COPB2: variants seen among roughly 807,000 people sequenced by gnomAD.
COPB2 encodes coatomer subunit beta'.
Under a neutral mutation model 120.8 loss-of-function variants are expected in COPB2, and 16 were observed. That is an observed-to-expected ratio of 0.13 (90% CI 0.09 to 0.20). The LOEUF is 0.20. COPB2 is among the 10% of genes least tolerant of loss of function. The pLI is 1.00. For synonymous variants in COPB2, 332 were observed against 366.3 expected (o/e 0.91, Z 1.07); for missense variants, 794 against 1,076.5 (o/e 0.74, Z 3.67).
At position 139,363,901 on chromosome 3, in the gene COPB2, C is replaced by T. The variant is rs115995463; in HGVS notation, c.1885-1384G>A. Among the ~76,000 whole-genome samples, 341 of 152,236 alleles carry T rather than the reference C, an allele frequency of 2.2e-3. 1 individual carries two copies. The highest frequency in any genetic ancestry group is 7.5e-3 in the African/African-American group (310 of 41,546). Reference sequence around the variant, plus strand: ...TTTCCACTAGCATTGATATAGATAACATAAAACCCAAGAGTGGAGGATGGA... The same window carrying T: ...TTTCCACTAGCATTGATATAGATAATATAAAACCCAAGAGTGGAGGATGGA... On this transcript the variant is annotated intron_variant, in intron 15 of 21. Transcript: ENST00000333188.
chr3:139,375,474 A>G lies in COPB2; in HGVS notation c.645T>C (p.Asp215=). The change falls in exon 6 of 22, where the codon GAT becomes GAC. Residue 215 remains aspartate (D), a synonymous_variant. Coordinates refer to ENST00000333188, the MANE Select transcript of COPB2 (RefSeq NM_004766.3). ...AGGTTATGAAAAACTGTACCTGATA[A>G]TCCCATATTTTAACAAGACGGTCAT... The part of the protein sequence containing the change: ...GADDRLVKIW[D]YQNKTCVQTL... The G allele has an allele frequency of 6.2e-7, 1 of 1,612,972 alleles. No individual in the cohort carries two copies. The highest frequency in any genetic ancestry group is 2.2e-5 in the East Asian group (1 of 44,880).
intron 5 of COPB2, among the ~76,000 whole-genome samples, chr3:139,376,341 T>A (rs963378539): frequency 6.6e-6 from 1 of 152,178 alleles, no homozygotes; most frequent in Non-Finnish European, 1.5e-5. Context: ...TAGAAAATTG[T>A]TAAAAATTAC....
chr3:139,389,261 T>G (rs1418402460), intron 1 of COPB2, among the ~76,000 whole-genome samples: 2 of 152,240 alleles, frequency 1.3e-5, no homozygotes, highest in Non-Finnish European at 2.9e-5. Context: ...TGTGTTTCCC[T>G]ACACCACCGA....
At chr3:139,375,376 A>C in intron 6 of COPB2, 92 bp downstream of exon 6, 1 of 1,293,038 alleles carries the variant, frequency 7.7e-7, no homozygotes, top group Admixed American at 2.3e-5. Context: ...TTATGCTGTG[A>C]ACAGTTTTCA....
chr3:139,370,334 C>T (rs148775160), intron 10 of COPB2, among the ~76,000 whole-genome samples: 1,758 of 152,192 alleles, frequency 0.012, 38 homozygotes, highest in African/African-American at 0.039. Context: ...CTAGACAAAG[C>T]GATGATTCAC....
chr3:139,375,550 C>T lies in COPB2; in HGVS notation c.569G>A (p.Cys190Tyr). The stretch of plus-strand genomic sequence containing the variant: ...GTCCCCACCACTGTAGTAATCAATG[C>T]AATTCACGCCTTTCTCATGTCCTTC... The part of the protein sequence containing the change: ...TLEGHEKGVN[C>Y]IDYYSGGDKP... Residue 190 changes from cysteine to tyrosine, a missense_variant, in exon 6 of 22, where the codon TGC becomes TAC. Transcript: ENST00000333188. The T allele has an allele frequency of 6.2e-7, 1 of 1,614,082 alleles. No homozygotes were observed. Among genetic ancestry groups the T allele is most frequent in the Non-Finnish European group, 8.5e-7 (1 of 1,179,980 alleles).
At chr3:139,359,725 T>C (rs934794268) in intron 17 of COPB2, among the ~76,000 whole-genome samples, 5 of 152,118 alleles carry the variant, frequency 3.3e-5, no homozygotes, top group South Asian at 4.1e-4. Context: ...GTCTCCAACA[T>C]GGGAAGGGCC....
In COPB2 at chr3:139,357,874, A is replaced by C; in HGVS notation, c.2710T>G (p.Leu904Val). 1.9e-6 allele frequency: 3 copies of C among 1,569,516 alleles called. No individual in the cohort carries two copies. Among genetic ancestry groups the C allele is most frequent in the Non-Finnish European group, 2.6e-6 (3 of 1,144,402 alleles). ...GGAAAGCATTACAGTCAATCATCCA[A>C]AATATCTTCATCCAGATTGATATCT... ...TTDINLDEDILDD is the reference protein window; with the variant it reads ...TTDINLDEDIVDD The change falls in exon 22 of 22, where the codon TTG becomes GTG. Residue 904 changes from leucine to valine, a missense_variant. Leu to Val is a conservative substitution (Grantham distance 32, BLOSUM62 1). Around this residue, in one of 3 missense-constraint regions of COPB2, gnomAD observed 178 missense variants for 183.2 expected, o/e 0.97. Coordinates refer to ENST00000333188, the MANE Select transcript of COPB2 (RefSeq NM_004766.3).
At chr3:139,359,656 A>T (rs2107795806) in intron 17 of COPB2, among the ~76,000 whole-genome samples, 1 of 152,318 alleles carries the variant, frequency 6.6e-6, no homozygotes, top group Middle Eastern at 3.4e-3. Flanking sequence ...CAAATTTTAA[A>T]GGCATAAGGA....
intron 6 of COPB2, 97 bp from the exon 7 acceptor site, chr3:139,374,685 G>A (rs964336690): frequency 1.2e-6 from 1 of 829,554 alleles, no homozygotes; most frequent in Non-Finnish European, 1.8e-6. Context: ...ATAAATGATA[G>A]TAGTCATGAA....
At chr3:139,371,611 A>G (rs781627517) in intron 10 of COPB2, 112 bp downstream of exon 10, 4 of 835,882 alleles carry the variant, frequency 4.8e-6, no homozygotes, top group Non-Finnish European at 7.8e-6. Flanking sequence ...TCTGGTGAGA[A>G]CTGTTTTTTA....
chr3:139,373,449 GA>G, intron 8 of COPB2, 37 bp from the exon 9 acceptor site: 1 of 1,608,020 alleles, frequency 6.2e-7, no homozygotes, highest in Non-Finnish European at 8.5e-7. Context: ...CAATGAAAAG[GA>G]AAATGAATAA....
At chr3:139,387,022 A>G (rs1442477232) in intron 1 of COPB2, among the ~76,000 whole-genome samples, 1 of 146,410 alleles carries the variant, frequency 6.8e-6, no homozygotes, top group East Asian at 1.9e-4. Context: ...AACATGGTGA[A>G]ACCCCGTCTC....
chr3:139,367,517 A>G (rs1435878510), intron 13 of COPB2, among the ~76,000 whole-genome samples: 1 of 151,948 alleles, frequency 6.6e-6, no homozygotes, highest in Non-Finnish European at 1.5e-5. Context: ...TAGACTCCTG[A>G]CCTCAAGTGA....
intron 2 of COPB2, chr3:139,382,673 A>G (rs757051298): frequency 6.6e-6 from 1 of 152,254 alleles, no homozygotes; most frequent in Non-Finnish European, 1.5e-5. Flanking sequence ...TAATTACTAT[A>G]TAAGTAGACA....
chr3:139,388,491 C>CT (rs1941976515), intron 1 of COPB2: 1 of 53,260 alleles, frequency 1.9e-5, no homozygotes, highest in Non-Finnish European at 6.3e-5. Context: ...GTATTCCTAA[C>CT]TTTTTCCTAG....
intron 1 of COPB2, among the ~76,000 whole-genome samples, chr3:139,389,002 A>T (rs557574730): frequency 6.6e-6 from 1 of 152,250 alleles, no homozygotes; most frequent in East Asian, 1.9e-4. Context: ...AGTGTTATAA[A>T]CAGCACCCCC....
chr3:139,374,171 C>A, intron 7 of COPB2: 1 of 423,308 alleles, frequency 2.4e-6, no homozygotes, highest in Admixed American at 3.9e-5. Flanking sequence ...ACATTCATGA[C>A]ATAACAGAGC....
At chr3:139,380,558 TAA>T (rs1941792432) in intron 2 of COPB2, 2 of 152,320 alleles carry the variant, frequency 1.3e-5, no homozygotes, top group South Asian at 4.1e-4. Context: ...TGCCTGTTCT[TAA>T]AAGTCTGAAA....
Sources: gnomAD v4.1 joint callset for allele counts (sites outside exome capture counted in the v4.1 genomes callset) on GRCh38, gnomAD v4.1.1 for gene constraint, gnomAD v4.1.1 regional missense constraint, MANE v1.5 for transcripts, NCBI Gene and HGNC (gene_info 2026-07-23, HGNC 2026-07-21) for gene names.